Variants in NDUFAF6 observed in about 807,000 individuals in gnomAD.
NDUFAF6 encodes the protein NADH dehydrogenase (ubiquinone) complex I, assembly factor 6.
A neutral mutation model predicts 40.8 loss-of-function variants in NDUFAF6; 45 were observed. The ratio of observed to expected loss-of-function variants is 1.10; its 90% confidence interval spans 0.87 to 1.42. The LOEUF (loss-of-function observed/expected upper bound fraction) is 1.42, where lower values mean the gene tolerates loss of function less well. Among genes scored for constraint, NDUFAF6 ranks in the 40% most tolerant of loss-of-function variants. The probability of loss-of-function intolerance (pLI) is 0.00; values close to 1 mark genes in which losing one functional copy is unlikely to be tolerated. For synonymous variants in NDUFAF6, 185 were observed against 155.9 expected, an observed-to-expected ratio of 1.19 and a Z score of -1.39; for missense variants, 435 against 418.5, an observed-to-expected ratio of 1.04 and a Z score of -0.34.
chr8:95,080,786 G>A (rs1808834451), downstream of NDUFAF6, among the ~76,000 whole-genome samples: 1 of 152,186 alleles, frequency 6.6e-6, no homozygotes, highest in South Asian at 2.1e-4. Context: ...GAGATTACAG[G>A]CATGAGCCAC....
chr8:95,089,004 C>A (rs1207516886), intron 2 of NDUFAF6, among the ~76,000 whole-genome samples: 1 of 151,668 alleles, frequency 6.6e-6, no homozygotes, highest in Non-Finnish European at 1.5e-5. Flanking sequence ...TCAAATGATT[C>A]ACTGGTCTCA....
At chr8:95,112,198 T>G (rs1189284546) in intron 4 of NDUFAF6, among the ~76,000 whole-genome samples, 5 of 152,216 alleles carry the variant, frequency 3.3e-5, no homozygotes, top group South Asian at 2.1e-4. Context: ...GTAATTGTAA[T>G]GGGTTGAATA....
Position 95,025,198 on chromosome 8 carries a change from C to A in NDUFAF6, c.190C>A (p.Leu64Met). The change falls in exon 1 of 9, where the codon CTG becomes ATG. Residue 64 changes from leucine (L) to methionine (M), a missense_variant. Coordinates refer to ENST00000396124, the MANE Select transcript of NDUFAF6 (RefSeq NM_152416.4). The stretch of plus-strand genomic sequence containing the variant: ...GGGCACTGACCACTACTGCCTGGAG[C>A]TGCTGCGGTGAGCGAGCACGACCTT... Reference protein sequence around the residue: ...AWGTDHYCLELLRKRDYEGYL... With the variant: ...AWGTDHYCLEMLRKRDYEGYL... The A allele has an allele frequency of 6.9e-7, 1 of 1,439,506 alleles. No individual in the cohort carries two copies. Among genetic ancestry groups the A allele is most frequent in the Non-Finnish European group, 9.0e-7 (1 of 1,109,278 alleles). 89.2% of individuals were successfully genotyped at this position (1,439,506 alleles called of 1,614,324 possible).
chr8:94,977,140 GAA>G lies in NDUFAF6; in HGVS notation c.-198-3699_-198-3698del, dbSNP rs999161388. ...GGTGACAGAGTGAGACCCTGACTCA[GAA>G]AAAAAAAAAAAAAAAAAAAGGTTAA... On this transcript the variant is annotated intron_variant, in intron 1 of 9. Coordinates refer to the NDUFAF6 transcript ENST00000396111. Among the ~76,000 whole-genome samples, 147 of 66,908 alleles carry G rather than the reference GAA, an allele frequency of 2.2e-3. 1 individual carries two copies. The highest frequency in any genetic ancestry group is 8.5e-3 in the African/African-American group (142 of 16,766). The allele number at this position is 66,908 out of a possible 152,430, so 43.9% of individuals were successfully genotyped here.
rs563883545 is a variant in NDUFAF6, at chr8:94,970,239, G to A, written c.-198-10620G>A. ...CACTGCACTCCAGCCTGGTGACAGA[G>A]CAAGACTCCGTCTCAAAAAAAAAAA... On this transcript the variant is annotated intron_variant, in intron 1 of 9. Transcript: ENST00000396111. Among the ~76,000 whole-genome samples, 2 of 125,238 alleles carry A rather than the reference G, an allele frequency of 1.6e-5. 1 individual carries two copies. Among genetic ancestry groups the A allele is most frequent in the African/African-American group, 6.1e-5 (2 of 32,592 alleles). The allele number at this position is 125,238 out of a possible 152,430, so 82.2% of individuals were successfully genotyped here.
At chr8:95,068,848 T>A (rs1197510934) in intron 9 of NDUFAF6, 2 of 151,864 alleles carry the variant, frequency 1.3e-5, no homozygotes, top group East Asian at 3.8e-4. Flanking sequence ...CACTCCAATT[T>A]CTTTTCTGCA....
chr8:95,055,560 TA>T (rs1280218770), intron 8 of NDUFAF6, among the ~76,000 whole-genome samples: 11 of 152,184 alleles, frequency 7.2e-5, no homozygotes, highest in Non-Finnish European at 2.9e-5. Context: ...ATAAAGCTAT[TA>T]AAATTAGCAT....
intron 9 of NDUFAF6, among the ~76,000 whole-genome samples, chr8:95,071,403 G>C: frequency 1.9e-5 from 2 of 105,514 alleles, no homozygotes; most frequent in Non-Finnish European, 1.8e-5. Context: ...GTCTCCAAAA[G>C]AAAAAAAAAA....
chr8:94,927,976 C>T (rs1563717004), intron 1 of NDUFAF6: 1 of 151,640 alleles, frequency 6.6e-6, no homozygotes, highest in Non-Finnish European at 1.5e-5. Context: ...AGGTCAACAT[C>T]GTTCTGTGTT....
intron 4 of NDUFAF6, 22 bp downstream of exon 4, chr8:95,041,648 C>G: frequency 6.3e-7 from 1 of 1,592,840 alleles, no homozygotes; most frequent in Non-Finnish European, 8.6e-7. Flanking sequence ...TTGTTCAAGT[C>G]TTAAGTTTTT....
rs4734297 is a variant in NDUFAF6 at position 95,017,824 on chromosome 8, A to G, written c.-83-14171A>G. On this transcript the variant is annotated intron_variant, in intron 2 of 9. Transcript: ENST00000396111. ...TCACCTCCTAAAAATGAACAATCCA[A>G]CAGACTTCTGCAATCATGTGCACTT... Among the ~76,000 whole-genome samples, 1,355 of 152,294 alleles carry G rather than the reference A, an allele frequency of 8.9e-3. 47 individuals are homozygous for G. Among genetic ancestry groups the G allele is most frequent in the Admixed American group, 0.058 (888 of 15,304 alleles).
At chr8:95,005,092 C>A (rs951871912) in intron 2 of NDUFAF6, among the ~76,000 whole-genome samples, 1 of 152,068 alleles carries the variant, frequency 6.6e-6, no homozygotes, top group African/African-American at 2.4e-5. Context: ...CCCAACTTTC[C>A]CATCCAATCT....
intron 7 of NDUFAF6, among the ~76,000 whole-genome samples, chr8:95,049,630 G>T (rs1291646461): frequency 6.6e-6 from 1 of 151,930 alleles, no homozygotes; most frequent in Admixed American, 6.6e-5. Context: ...CATACCACAG[G>T]GCTTTTGCAC....
At chr8:94,941,731 C>G (rs1457872210) in intron 1 of NDUFAF6, among the ~76,000 whole-genome samples, 1 of 152,206 alleles carries the variant, frequency 6.6e-6, no homozygotes, top group Non-Finnish European at 1.5e-5. Context: ...CAGCCACCTG[C>G]ATTCAAACCC....
At chr8:95,061,302 C>T (rs1401245231), downstream of NDUFAF6, among the ~76,000 whole-genome samples, 2 of 152,148 alleles carry the variant, frequency 1.3e-5, no homozygotes, top group Non-Finnish European at 2.9e-5. Flanking sequence ...TCCCTAGGTG[C>T]CCTTGGATTT....
chr8:95,056,123 G>T (rs1413395800), intron 8 of NDUFAF6, among the ~76,000 whole-genome samples: 1 of 151,906 alleles, frequency 6.6e-6, no homozygotes, highest in Non-Finnish European at 1.5e-5. Context: ...TCTGAGATTT[G>T]TACATATTAC....
downstream of NDUFAF6, among the ~76,000 whole-genome samples, chr8:95,117,130 A>G (rs1029862814): frequency 6.6e-6 from 1 of 152,186 alleles, no homozygotes; most frequent in Non-Finnish European, 1.5e-5. Context: ...TCAGCTCATC[A>G]CTGGAGTTGC....
downstream of NDUFAF6, among the ~76,000 whole-genome samples, chr8:95,105,066 CAGAGAGAGAGAGAG>C (rs55705930): frequency 0.13 from 9,229 of 72,460 alleles, 425 homozygotes; most frequent in East Asian, 0.22. Context: ...CACACACACA[CAGAGAGAGAGAGAG>C]AGAGAGAGAG....
intron 1 of NDUFAF6, among the ~76,000 whole-genome samples, chr8:94,934,088 AAAG>A (rs1046677438): frequency 9.2e-5 from 14 of 152,244 alleles, no homozygotes; most frequent in African/African-American, 2.4e-4. Flanking sequence ...AAAAAAAAAA[AAAG>A]AAGTATATAT....
Sources: gnomAD v4.1 joint callset for allele counts (sites outside exome capture counted in the v4.1 genomes callset) on GRCh38, gnomAD v4.1.1 for gene constraint, MANE v1.5 for transcripts, NCBI Gene and HGNC (gene_info 2026-07-23, HGNC 2026-07-21) for gene names.